CNBD1: variants seen among roughly 807,000 people sequenced by gnomAD.
The protein encoded by CNBD1 is cyclic nucleotide binding domain containing 1, also known as cyclic nucleotide-binding domain-containing protein 1.
A neutral mutation model predicts 54.4 loss-of-function variants in CNBD1; 71 were observed. The observed-to-expected ratio is 1.30, with a 90% confidence interval of 1.08 to 1.59. CNBD1 has a LOEUF of 1.59. Ranked by LOEUF, CNBD1 falls within the 40% of genes most tolerant of loss-of-function variation. CNBD1 has a pLI of 0.00. For missense variants in CNBD1, 659 were observed against 518.0 expected, an observed-to-expected ratio of 1.27 and a Z score of -2.64; for synonymous variants, 182 against 170.7, an observed-to-expected ratio of 1.07 and a Z score of -0.51.
chr8:87,391,619 C>G (rs6997420), intron 2 of CNBD1, among the ~76,000 whole-genome samples: 85,832 of 151,824 alleles, frequency 0.57, 25,811 homozygotes, highest in African/African-American at 0.77. Context: ...TTCAACAAAT[C>G]ATGCTGGGAT....
At chr8:86,988,898 A>C (rs1057201000) in intron 4 of CNBD1, among the ~76,000 whole-genome samples, 1 of 152,140 alleles carries the variant, frequency 6.6e-6, no homozygotes, top group African/African-American at 2.4e-5. Context: ...TCCAGGTATC[A>C]CATTTTCTTT....
chr8:87,035,887 G>T (rs1374965147), intron 4 of CNBD1, among the ~76,000 whole-genome samples: 1 of 152,136 alleles, frequency 6.6e-6, no homozygotes, highest in African/African-American at 2.4e-5. Context: ...TTCAGCTCCA[G>T]ATGTTACATT....
At chr8:87,418,970 G>T (rs1305642647) in intron 2 of CNBD1, among the ~76,000 whole-genome samples, 1 of 151,790 alleles carries the variant, frequency 6.6e-6, no homozygotes, top group Non-Finnish European at 1.5e-5. Context: ...AAAGAGAATT[G>T]AAAACATATG....
At chr8:87,187,805 A>C (rs1319640468) in intron 4 of CNBD1, among the ~76,000 whole-genome samples, 1 of 152,184 alleles carries the variant, frequency 6.6e-6, no homozygotes, top group Non-Finnish European at 1.5e-5. Flanking sequence ...AACTGATTTC[A>C]GCACATTGGT....
chr8:86,971,664 C>A (rs1563842711), intron 4 of CNBD1, among the ~76,000 whole-genome samples: 8 of 151,858 alleles, frequency 5.3e-5, no homozygotes, highest in Admixed American at 4.6e-4. Flanking sequence ...AGTTTCTATA[C>A]TTTTTTTGAG....
chr8:87,126,817 G>C (rs918155892), intron 4 of CNBD1, among the ~76,000 whole-genome samples: 1 of 151,838 alleles, frequency 6.6e-6, no homozygotes, highest in Non-Finnish European at 1.5e-5. Flanking sequence ...ATTTTTATAT[G>C]GTGTGAGCTG....
chr8:87,362,995 C>CCCT (rs1810843156), intron 10 of CNBD1, among the ~76,000 whole-genome samples: 2 of 151,968 alleles, frequency 1.3e-5, no homozygotes, highest in Non-Finnish European at 2.9e-5. Context: ...CTAATGCTAT[C>CCCT]CCTCCTCTAG....
At chr8:86,960,106 T>C (rs1016893265) in intron 4 of CNBD1, among the ~76,000 whole-genome samples, 3 of 152,142 alleles carry the variant, frequency 2.0e-5, no homozygotes, top group African/African-American at 4.8e-5. Flanking sequence ...CATTTCCAAC[T>C]GAGGTACCAG....
chr8:87,338,400 T>C (rs1252531216), intron 8 of CNBD1, among the ~76,000 whole-genome samples: 1 of 152,188 alleles, frequency 6.6e-6, no homozygotes, highest in Non-Finnish European at 1.5e-5. Context: ...GATAAATTAA[T>C]TGTTTCCTCG....
chr8:87,212,864 A>C (rs571193053), intron 5 of CNBD1, among the ~76,000 whole-genome samples: 1 of 152,304 alleles, frequency 6.6e-6, no homozygotes, highest in African/African-American at 2.4e-5. Context: ...GGACCTTATA[A>C]AAATTAAAAT....
intron 4 of CNBD1, among the ~76,000 whole-genome samples, chr8:86,990,577 T>A (rs1465544273): frequency 6.6e-6 from 1 of 152,196 alleles, no homozygotes; most frequent in Non-Finnish European, 1.5e-5. Context: ...AGTACCAGGC[T>A]GTTTTGGTTA....
intron 8 of CNBD1, among the ~76,000 whole-genome samples, chr8:87,336,991 C>G (rs1229115396): frequency 6.6e-6 from 1 of 152,110 alleles, no homozygotes; most frequent in African/African-American, 2.4e-5. Context: ...GGGTTCACTT[C>G]AGGTCCTATT....
chr8:87,225,538 A>C (rs941945818), intron 5 of CNBD1, among the ~76,000 whole-genome samples: 4 of 150,942 alleles, frequency 2.7e-5, no homozygotes, highest in African/African-American at 9.7e-5. Context: ...ATGCTGGATT[A>C]CATTTATTGA....
chr8:87,300,716 A>G (rs1394004734), intron 8 of CNBD1, among the ~76,000 whole-genome samples: 1 of 151,930 alleles, frequency 6.6e-6, no homozygotes, highest in Non-Finnish European at 1.5e-5. Context: ...ACACACACAT[A>G]TACACACACA....
intron 4 of CNBD1, among the ~76,000 whole-genome samples, chr8:86,994,075 A>G (rs1808814621): frequency 6.6e-6 from 1 of 152,136 alleles, no homozygotes; most frequent in African/African-American, 2.4e-5. Flanking sequence ...ATGATCCTGC[A>G]TGTTTCATCC....
At chr8:86,939,801 G>A in intron 4 of CNBD1, 47 bp downstream of exon 4, 20 of 1,196,338 alleles carry the variant, frequency 1.7e-5, no homozygotes, top group Non-Finnish European at 2.3e-5. Flanking sequence ...TAATTCTTTT[G>A]AATGGCTTTA....
intron 4 of CNBD1, among the ~76,000 whole-genome samples, chr8:86,953,578 C>T (rs556444189): frequency 2.3e-4 from 35 of 152,176 alleles, no homozygotes; most frequent in African/African-American, 7.0e-4. Context: ...TCCAACAATC[C>T]TATGCAGGCC....
chr8:86,967,287 C>T (rs951716642), intron 4 of CNBD1, among the ~76,000 whole-genome samples: 4 of 152,246 alleles, frequency 2.6e-5, no homozygotes, highest in Admixed American at 6.5e-5. Flanking sequence ...TTGCTTGCTG[C>T]GGGCCCTACC....
rs900444977 is a variant in CNBD1, at chr8:87,166,876, C to G, written c.432-39117C>G. The stretch of plus-strand genomic sequence containing the variant: ...TTCTATTTTCCAGTATAGTATGTAA[C>G]TATATATTTAATTTTTTTATTACAA... On this transcript the variant is annotated intron_variant, in intron 4 of 10. Coordinates refer to ENST00000518476, the MANE Select transcript of CNBD1 (RefSeq NM_173538.3). The surrounding 1 kb of genome is among the most constrained non-coding windows in gnomAD (Gnocchi z 4.3). 6.6e-6 allele frequency among the ~76,000 whole-genome samples: 1 copy of G among 151,490 alleles called. No homozygotes were observed. The highest frequency in any genetic ancestry group is 6.6e-5 in the Admixed American group (1 of 15,178).
Sources: gnomAD v4.1 joint callset for allele counts (sites outside exome capture counted in the v4.1 genomes callset) on GRCh38, gnomAD v4.1.1 for gene constraint, Gnocchi (gnomAD v3.1) non-coding constraint, MANE v1.5 for transcripts, NCBI Gene and HGNC (gene_info 2026-07-23, HGNC 2026-07-21) for gene names.